APOH: variants seen among roughly 807,000 people sequenced by gnomAD.
APOH encodes the protein beta-2-glycoprotein 1.
A neutral mutation model predicts 39.8 loss-of-function variants in APOH; 48 were observed. The observed-to-expected ratio is 1.21, with a 90% confidence interval of 0.96 to 1.54. APOH has a LOEUF of 1.54. Ranked by LOEUF, APOH falls within the 40% of genes most tolerant of loss-of-function variation. The pLI is 0.00. For synonymous variants in APOH, 153 were observed against 151.1 expected, an observed-to-expected ratio of 1.01 and a Z score of -0.09; for missense variants, 415 against 421.2, an observed-to-expected ratio of 0.99 and a Z score of 0.13.
intron 5 of APOH, among the ~76,000 whole-genome samples, chr17:66,217,900 A>G (rs142846391): frequency 6.6e-6 from 1 of 152,102 alleles, no homozygotes; most frequent in Admixed American, 6.6e-5. Flanking sequence ...CTGAGATTGC[A>G]CCATTATGCT....
intron 4 of APOH, among the ~76,000 whole-genome samples, chr17:66,221,345 A>C (rs1284727767): frequency 1.6e-5 from 2 of 122,576 alleles, no homozygotes; most frequent in Non-Finnish European, 3.4e-5. Context: ...AAAGAAAGGA[A>C]AGAAAGAAAG....
chr17:66,222,817 C>T (rs184691933), intron 4 of APOH, among the ~76,000 whole-genome samples: 1 of 152,236 alleles, frequency 6.6e-6, no homozygotes, highest in East Asian at 1.9e-4. Context: ...GTGAGCCACC[C>T]TCCTCGGACT....
At chr17:66,213,092 C>T (rs1029719787) in intron 7 of APOH, among the ~76,000 whole-genome samples, 1 of 152,210 alleles carries the variant, frequency 6.6e-6, no homozygotes, top group Non-Finnish European at 1.5e-5. Context: ...TCCCTTCTCT[C>T]CCACTAGCTG....
chr17:66,214,639 C>G lies in APOH; in HGVS notation c.796G>C (p.Val266Leu), dbSNP rs4581. 1 of 1,611,060 alleles carries G rather than the reference C, an allele frequency of 6.2e-7. No homozygotes were observed. The highest frequency in any genetic ancestry group is 8.5e-7 in the Non-Finnish European group (1 of 1,178,610). The change falls in exon 7 of 8, where the codon GTA (valine) becomes CTA (leucine). Residue 266 changes from valine to leucine, a missense_variant. Transcript: ENST00000205948. ...ACCACAGTGGCTTTTTTCACAGGTA[C>G]TTTACAAGATGCTGAAAGAGAGAAT... ...AMPSCKASCKVPVKKATVVYQ... is the reference protein window; with the variant it reads ...AMPSCKASCKLPVKKATVVYQ...
rs1295734656 is a variant in APOH at position 66,229,311 on chromosome 17, C to T, written c.64+5G>A. ...ATTATTTTTTCAAAAGCAAAAAGTACTTACTCCGTCCTGCAATAGCAACAT... is the reference window on the plus strand; with the variant it reads ...ATTATTTTTTCAAAAGCAAAAAGTATTTACTCCGTCCTGCAATAGCAACAT... On this transcript the variant is annotated splice_donor_5th_base_variant and intron_variant, in intron 1 of 7. Transcript: ENST00000205948. 1.9e-6 allele frequency: 3 copies of T among 1,612,496 alleles called. No individual in the cohort carries two copies. The highest frequency in any genetic ancestry group is 1.7e-5 in the Admixed American group (1 of 59,952).
chr17:66,218,509 A>G (rs138029889), intron 5 of APOH, among the ~76,000 whole-genome samples: 1 of 152,100 alleles, frequency 6.6e-6, no homozygotes, highest in Non-Finnish European at 1.5e-5. Flanking sequence ...GGGTTTCACC[A>G]TATTGGCCAG....
intron 4 of APOH, among the ~76,000 whole-genome samples, 183 bp downstream of exon 4, chr17:66,223,515 C>T (rs1406611468): frequency 6.6e-6 from 1 of 152,208 alleles, no homozygotes; most frequent in African/African-American, 2.4e-5. Context: ...AAATGCTTCC[C>T]TTCTGTCATT....
chr17:66,223,806 T>C (rs776441676), intron 3 of APOH, 32 bp from the exon 4 acceptor site: 2 of 1,579,682 alleles, frequency 1.3e-6, no homozygotes, highest in East Asian at 2.2e-5. Flanking sequence ...TATCAAGGAG[T>C]AAAATAATCC....
intron 1 of APOH, chr17:66,228,478 TC>T: frequency 3.0e-6 from 1 of 335,316 alleles, no homozygotes; most frequent in South Asian, 4.0e-5. Flanking sequence ...TCAGTATCAA[TC>T]CAGTCCCTCC....
At chr17:66,228,236 T>C (rs1226697108) in intron 1 of APOH, 40 bp from the exon 2 acceptor site, 2 of 1,586,368 alleles carry the variant, frequency 1.3e-6, no homozygotes, top group Non-Finnish European at 1.7e-6. Flanking sequence ...CAAATCTCTA[T>C]TTGCATTTTA....
At chr17:66,212,786 C>T (rs569831260) in intron 7 of APOH, among the ~76,000 whole-genome samples, 12 of 152,336 alleles carry the variant, frequency 7.9e-5, no homozygotes, top group Admixed American at 2.6e-4. Flanking sequence ...CTTTACAGTA[C>T]TGCATCTGTC....
chr17:66,214,250 A>C (rs929849486), intron 7 of APOH, among the ~76,000 whole-genome samples: 1 of 152,048 alleles, frequency 6.6e-6, no homozygotes, highest in African/African-American at 2.4e-5. Flanking sequence ...GTAGAGACAG[A>C]CTTTCACCTT....
chr17:66,221,239 G>T (rs2073397415), intron 4 of APOH, among the ~76,000 whole-genome samples: 1 of 128,644 alleles, frequency 7.8e-6, no homozygotes, highest in Non-Finnish European at 1.6e-5. Flanking sequence ...AATAAATAAA[G>T]ACAGAAAGAA....
intron 4 of APOH, among the ~76,000 whole-genome samples, chr17:66,221,334 GAA>G (rs2073399496): frequency 1.8e-5 from 2 of 113,256 alleles, no homozygotes; most frequent in Admixed American, 2.1e-4. Context: ...AGGAAAGAAA[GAA>G]AGAAAGGAAA....
At chr17:66,213,023 T>C (rs1185487265) in intron 7 of APOH, among the ~76,000 whole-genome samples, 1 of 152,252 alleles carries the variant, frequency 6.6e-6, no homozygotes, top group Admixed American at 6.5e-5. Context: ...CTCCATGTCA[T>C]GCATATTTCT....
Position 66,214,517 on chromosome 17 carries a change from C to A in APOH, c.918G>T (p.Lys306Asn). The A allele has an allele frequency of 6.2e-7, 1 of 1,614,182 alleles. No individual in the cohort carries two copies. The highest frequency in any genetic ancestry group is 2.2e-5 in the East Asian group (1 of 44,888). ...VSFFCKNKEK[K>N]CSYTEDAQCI... Reference sequence around the variant, plus strand: ...ACTGAGCATCCTCTGTATAGCTACACTTCTTTTCCTTATTTTTGCAGAAGA... The same window carrying A: ...ACTGAGCATCCTCTGTATAGCTACAATTCTTTTCCTTATTTTTGCAGAAGA... The change falls in exon 7 of 8, where the codon AAG becomes AAT. Residue 306 changes from lysine to asparagine, a missense_variant. By Grantham distance (94) the Lys-to-Asn change is moderately conservative. Around this residue, in one of 3 missense-constraint regions of APOH, gnomAD observed 120 missense variants for 110.6 expected, o/e 1.08. Transcript: ENST00000205948.
chr17:66,227,895 T>C, intron 2 of APOH, 125 bp downstream of exon 2: 1 of 992,058 alleles, frequency 1.0e-6, no homozygotes, highest in Non-Finnish European at 1.5e-6. Flanking sequence ...CTCATTTCTC[T>C]CCAACCTGGC....
At chr17:66,225,975 G>T in intron 3 of APOH, 53 bp downstream of exon 3, 1 of 1,272,576 alleles carries the variant, frequency 7.9e-7, no homozygotes, top group Non-Finnish European at 1.1e-6. Flanking sequence ...TTAGCTTAAG[G>T]ATACAAAAAT....
At chr17:66,218,058 T>C (rs2073376084) in intron 5 of APOH, among the ~76,000 whole-genome samples, 1 of 152,166 alleles carries the variant, frequency 6.6e-6, no homozygotes, top group Admixed American at 6.5e-5. Context: ...AAGATAGAAT[T>C]AGAAAGTCAC....
Sources: allele counts gnomAD v4.1 joint callset (sites outside exome capture counted in the v4.1 genomes callset), GRCh38; gene constraint gnomAD v4.1.1; regional missense constraint gnomAD v4.1.1; transcripts MANE v1.5; gene names NCBI Gene and HGNC (gene_info 2026-07-23, HGNC 2026-07-21).